MARCHF11: variants seen among roughly 807,000 people sequenced by gnomAD.
MARCHF11 encodes the protein membrane associated ring-CH-type finger 11, also known as E3 ubiquitin-protein ligase MARCHF11.
MARCHF11 carries 29 observed loss-of-function variants against 37.3 expected under a neutral mutation model. The ratio of observed to expected loss-of-function variants is 0.78; its 90% CI spans 0.58 to 1.06. MARCHF11 has a LOEUF of 1.06. Among genes scored for constraint, MARCHF11 ranks in the 50% least tolerant of loss-of-function variants. The pLI, the probability that MARCHF11 is intolerant of heterozygous loss-of-function variation, is 0.00. For missense variants in MARCHF11, 482 were observed against 533.4 expected (o/e 0.90, Z 0.95); for synonymous variants, 233 against 228.0 (o/e 1.02, Z -0.20).
At chr5:16,072,114 G>A (rs940198044) in intron 3 of MARCHF11, among the ~76,000 whole-genome samples, 1 of 152,010 alleles carries the variant, frequency 6.6e-6, no homozygotes, top group African/African-American at 2.4e-5. Context: ...ATACAAACAG[G>A]TACTAGTTTT....
At chr5:16,141,249 G>A (rs1311523881) in intron 2 of MARCHF11, 5 of 152,102 alleles carry the variant, frequency 3.3e-5, no homozygotes, top group Non-Finnish European at 7.3e-5. Context: ...CTTACTCAGG[G>A]TGCGAATATT....
intron 2 of MARCHF11, among the ~76,000 whole-genome samples, chr5:16,152,498 A>T (rs898402799): frequency 5.3e-5 from 8 of 152,026 alleles, no homozygotes. Context: ...AAGCCTGACT[A>T]AGACAAGAAG....
At chr5:16,159,761 T>C (rs1224187322) in intron 2 of MARCHF11, among the ~76,000 whole-genome samples, 2 of 151,958 alleles carry the variant, frequency 1.3e-5, no homozygotes, top group Admixed American at 6.6e-5. Flanking sequence ...CCATCAATGA[T>C]TGATCCTCAG....
At chr5:16,145,086 C>T (rs1017789100) in intron 2 of MARCHF11, among the ~76,000 whole-genome samples, 1 of 152,168 alleles carries the variant, frequency 6.6e-6, no homozygotes. Flanking sequence ...GTCAAAGATC[C>T]TCCACCCTTT....
intron 2 of MARCHF11, among the ~76,000 whole-genome samples, chr5:16,093,128 G>A (rs989718134): frequency 6.6e-5 from 10 of 152,134 alleles, no homozygotes; most frequent in African/African-American, 2.2e-4. Context: ...CATCCTTTAA[G>A]TCCATGAAGC....
At chr5:16,170,681 C>T (rs1298800858) in intron 2 of MARCHF11, among the ~76,000 whole-genome samples, 1 of 152,086 alleles carries the variant, frequency 6.6e-6, no homozygotes, top group Admixed American at 6.6e-5. Flanking sequence ...CACCGAATGC[C>T]CACAAAGTGA....
chr5:16,085,771 T>C (rs13355173), intron 3 of MARCHF11, among the ~76,000 whole-genome samples: 3,397 of 151,518 alleles, frequency 0.022, 127 homozygotes, highest in African/African-American at 0.078. Context: ...GCTAACACGG[T>C]GAAACCCCGT....
intron 2 of MARCHF11, among the ~76,000 whole-genome samples, chr5:16,133,404 G>T (rs1052310191): frequency 2.0e-5 from 3 of 152,052 alleles, no homozygotes; most frequent in Admixed American, 6.6e-5. Context: ...CAAAATGCAA[G>T]AGATCTCAGC....
chr5:16,152,098 G>A (rs1004938374), intron 2 of MARCHF11, among the ~76,000 whole-genome samples: 11 of 151,862 alleles, frequency 7.2e-5, no homozygotes, highest in African/African-American at 2.7e-4. Flanking sequence ...GAACGAAAAG[G>A]TTTTTTCAGC....
intron 3 of MARCHF11, among the ~76,000 whole-genome samples, chr5:16,087,977 C>T (rs542016165): frequency 5.9e-5 from 9 of 152,270 alleles, no homozygotes; most frequent in Admixed American, 1.3e-4. Flanking sequence ...TATGAAGCTG[C>T]CAACCTGTTT....
chr5:16,128,364 C>T (rs1401423211), intron 2 of MARCHF11, among the ~76,000 whole-genome samples: 1 of 152,110 alleles, frequency 6.6e-6, no homozygotes, highest in Non-Finnish European at 1.5e-5. Flanking sequence ...GCAGGGATCA[C>T]GTTTGTCTGC....
At chr5:16,148,303 G>A (rs138075248) in intron 2 of MARCHF11, among the ~76,000 whole-genome samples, 2 of 152,044 alleles carry the variant, frequency 1.3e-5, no homozygotes, top group Non-Finnish European at 2.9e-5. Flanking sequence ...CATCATAAAC[G>A]GAACATATTT....
At chr5:16,090,613 A>G (rs971608675) in intron 3 of MARCHF11, among the ~76,000 whole-genome samples, 1 of 151,968 alleles carries the variant, frequency 6.6e-6, no homozygotes, top group African/African-American at 2.4e-5. Flanking sequence ...ACTCACTCCA[A>G]ATAATTTATT....
chr5:16,136,766 G>C (rs1227333115), intron 2 of MARCHF11, among the ~76,000 whole-genome samples: 1 of 152,070 alleles, frequency 6.6e-6, no homozygotes, highest in Non-Finnish European at 1.5e-5. Context: ...AAATATAAAA[G>C]TAAATAGCAG....
In MARCHF11 at chr5:16,125,617, CTCTGTG is replaced by C. The variant is rs1204332481; in HGVS notation, c.694-34542_694-34537del. Among the ~76,000 whole-genome samples, 351 of 117,020 alleles carry C rather than the reference CTCTGTG, an allele frequency of 3.0e-3. 3 individuals are homozygous for C. Among genetic ancestry groups the C allele is most frequent in the African/African-American group, 9.7e-3 (288 of 29,602 alleles). 76.8% of individuals were successfully genotyped at this position (117,020 alleles called of 152,430 possible). ...CTCAGCTGGTGCACCCTGGCACACT[CTCTGTG>C]TGTGTGTGTGTGTGTGTGTGTGTGT... On this transcript the variant is annotated intron_variant, in intron 2 of 3. Transcript: ENST00000332432.
chr5:16,138,285 A>G (rs1560986236), intron 2 of MARCHF11, among the ~76,000 whole-genome samples: 1 of 152,170 alleles, frequency 6.6e-6, no homozygotes, highest in Non-Finnish European at 1.5e-5. Context: ...GCTGTGGCTA[A>G]AAGGGGCCAA....
At chr5:16,106,489 C>T (rs1016674498) in intron 2 of MARCHF11, among the ~76,000 whole-genome samples, 11 of 152,194 alleles carry the variant, frequency 7.2e-5, no homozygotes, top group African/African-American at 2.4e-4. Context: ...ATGGTAGCAT[C>T]AGAACACAAG....
chr5:16,116,511 A>G (rs1224862214), intron 2 of MARCHF11, among the ~76,000 whole-genome samples: 3 of 152,150 alleles, frequency 2.0e-5, no homozygotes, highest in Non-Finnish European at 4.4e-5. Context: ...GATTTAGAAA[A>G]TCGTTTCTGC....
At chr5:16,131,890 T>C (rs925460687) in intron 2 of MARCHF11, among the ~76,000 whole-genome samples, 5 of 152,240 alleles carry the variant, frequency 3.3e-5, no homozygotes, top group Non-Finnish European at 7.3e-5. Context: ...TGTGGCATCA[T>C]TTAAAGGGAG....
Sources: gnomAD v4.1 joint callset for allele counts (sites outside exome capture counted in the v4.1 genomes callset) on GRCh38, gnomAD v4.1.1 for gene constraint, MANE v1.5 for transcripts, NCBI Gene and HGNC (gene_info 2026-07-23, HGNC 2026-07-21) for gene names.